The following MSANTD5 variants were observed in gnomAD, a reference collection of about 807,000 sequenced individuals.
MSANTD5 encodes the protein Myb/SANT DNA binding domain containing 5.
intron 2 of MSANTD5, among the ~76,000 whole-genome samples, chr5:178,695,817 T>C (rs1765407011): frequency 6.6e-6 from 1 of 152,226 alleles, no homozygotes; most frequent in Admixed American, 6.5e-5. Flanking sequence ...GCCTGGGTCT[T>C]GCTCAAGTTC....
chr5:178,699,259 C>T (rs749520578), upstream of MSANTD5, among the ~76,000 whole-genome samples: 16 of 152,176 alleles, frequency 1.1e-4, 1 homozygote, highest in Middle Eastern at 3.2e-3. Flanking sequence ...AGCGTGTTCA[C>T]CCCCAGCATC....
chr5:178,705,403 T>TG, the MSANTD5 span, among the ~76,000 whole-genome samples: 1 of 152,136 alleles, frequency 6.6e-6, no homozygotes, highest in Non-Finnish European at 1.5e-5. Context: ...TCACTTGCTC[T>TG]GTGAGCTCAG....
the MSANTD5 span, among the ~76,000 whole-genome samples, chr5:178,707,439 C>A: frequency 6.6e-6 from 1 of 151,150 alleles, no homozygotes; most frequent in East Asian, 2.0e-4. Flanking sequence ...GCACTTCTGG[C>A]GGGGCGCGGT....
chr5:178,706,658 T>A, the MSANTD5 span, among the ~76,000 whole-genome samples: 1 of 151,860 alleles, frequency 6.6e-6, no homozygotes, highest in Non-Finnish European at 1.5e-5. Context: ...ATAGAGAGAA[T>A]GGGGAATGTC....
At chr5:178,702,091 A>T (rs191650619), upstream of MSANTD5, among the ~76,000 whole-genome samples, 3,120 of 151,276 alleles carry the variant, frequency 0.021, 106 homozygotes, top group African/African-American at 0.068. Flanking sequence ...CTAAAAAAAA[A>T]AAAAATAAAA....
chr5:178,705,726 G>C, the MSANTD5 span, among the ~76,000 whole-genome samples: 1 of 152,052 alleles, frequency 6.6e-6, no homozygotes, highest in Non-Finnish European at 1.5e-5. Flanking sequence ...GGGAGGCCGA[G>C]GCGGGAGGAT....
downstream of MSANTD5, chr5:178,694,537 C>G (rs1210809953): frequency 1.3e-5 from 2 of 152,352 alleles, no homozygotes; most frequent in East Asian, 3.9e-4. Context: ...ACCCAAGCCA[C>G]AAGCACAAGC....
upstream of MSANTD5, among the ~76,000 whole-genome samples, chr5:178,699,042 T>C (rs1765449879): frequency 6.6e-6 from 1 of 152,138 alleles, no homozygotes; most frequent in African/African-American, 2.4e-5. Context: ...GAAACTCTTC[T>C]CTGTGCTTCC....
downstream of MSANTD5, among the ~76,000 whole-genome samples, chr5:178,692,770 G>A (rs1192525022): frequency 1.3e-5 from 2 of 152,010 alleles, no homozygotes; most frequent in African/African-American, 4.8e-5. Context: ...GTTGCCAGGA[G>A]TTAAGGAGGG....
At chr5:178,705,975 A>G in the MSANTD5 span, among the ~76,000 whole-genome samples, 1 of 152,088 alleles carries the variant, frequency 6.6e-6, no homozygotes, top group Non-Finnish European at 1.5e-5. Flanking sequence ...ACAAAAAAAG[A>G]GGTTGTCTTA....
chr5:178,702,457 C>T (rs1331213265), upstream of MSANTD5, among the ~76,000 whole-genome samples: 3 of 151,862 alleles, frequency 2.0e-5, no homozygotes, highest in Non-Finnish European at 2.9e-5. Context: ...CCCGCCACCA[C>T]GCCCAGCTAA....
upstream of MSANTD5, among the ~76,000 whole-genome samples, chr5:178,700,586 G>C (rs1765466487): frequency 6.6e-6 from 1 of 152,178 alleles, no homozygotes; most frequent in African/African-American, 2.4e-5. Flanking sequence ...GATTAGAACT[G>C]CCAGGCTTCA....
chr5:178,706,668 C>G, the MSANTD5 span, among the ~76,000 whole-genome samples: 1 of 151,344 alleles, frequency 6.6e-6, no homozygotes. Context: ...TGGGGAATGT[C>G]CTTCCTCCAG....
chr5:178,692,072 T>TA (rs58907781), downstream of MSANTD5, among the ~76,000 whole-genome samples: 73,616 of 91,156 alleles, frequency 0.81, 31,375 homozygotes, highest in Admixed American at 0.86. Context: ...TGGCAGTTTC[T>TA]AAAAAAAAAA....
chr5:178,699,163 T>G (rs987291772), upstream of MSANTD5, among the ~76,000 whole-genome samples: 1 of 152,086 alleles, frequency 6.6e-6, no homozygotes, highest in Non-Finnish European at 1.5e-5. Flanking sequence ...CACCGTCTTC[T>G]TCCCCAGGCT....
At chr5:178,702,459 C>G (rs1355510103), upstream of MSANTD5, among the ~76,000 whole-genome samples, 5 of 151,878 alleles carry the variant, frequency 3.3e-5, no homozygotes, top group African/African-American at 1.2e-4. Flanking sequence ...CGCCACCACG[C>G]CCAGCTAATT....
chr5:178,704,963 G>A, the MSANTD5 span, among the ~76,000 whole-genome samples: 2 of 152,188 alleles, frequency 1.3e-5, no homozygotes, highest in African/African-American at 4.8e-5. Context: ...GGGAGCACAA[G>A]GCCTGGGGGC....
chr5:178,701,556 C>T (rs375366716), upstream of MSANTD5, among the ~76,000 whole-genome samples: 24 of 150,906 alleles, frequency 1.6e-4, no homozygotes, highest in East Asian at 3.9e-4. Context: ...CAGGTAATCC[C>T]GGCTACGTGG....
At chr5:178,702,082 T>G (rs1031900551), upstream of MSANTD5, among the ~76,000 whole-genome samples, 3 of 137,568 alleles carry the variant, frequency 2.2e-5, no homozygotes, top group Non-Finnish European at 4.8e-5. Context: ...CTGGATTAAC[T>G]AAAAAAAAAA....
Sources: gnomAD v4.1 joint callset for allele counts (sites outside exome capture counted in the v4.1 genomes callset) on GRCh38, gnomAD v4.1.1 for gene constraint, MANE v1.5 for transcripts, NCBI Gene and HGNC (gene_info 2026-07-23, HGNC 2026-07-21) for gene names.